The following IL1RAPL1 variants were observed in gnomAD, a reference collection of about 807,000 sequenced individuals.
IL1RAPL1 encodes the protein interleukin 1 receptor accessory protein like 1.
In IL1RAPL1, 3 loss-of-function variants were observed where a neutral mutation model predicts 48.4. That is an observed-to-expected ratio of 0.06 (90% CI 0.03 to 0.16). The LOEUF (loss-of-function observed/expected upper bound fraction) is 0.16, where lower values mean the gene tolerates loss of function less well. Ranked by LOEUF, IL1RAPL1 falls within the 10% of genes least tolerant of loss-of-function variation. The pLI is 1.00. For missense variants in IL1RAPL1, 349 were observed against 530.6 expected (o/e 0.66, Z 3.36); for synonymous variants, 185 against 187.7 (o/e 0.99, Z 0.12).
At chrX:29,951,952 TG>T (rs1473991817) in intron 9 of IL1RAPL1, among the ~76,000 whole-genome samples, 1 of 111,430 alleles carries the variant, frequency 9.0e-6, no homozygotes, top group Non-Finnish European at 1.9e-5. Context: ...TAAGGGAAAG[TG>T]GGCTGAAAGA....
chrX:29,867,286 A>G (rs1931715247), intron 6 of IL1RAPL1, among the ~76,000 whole-genome samples: 1 of 112,301 alleles, frequency 8.9e-6, no homozygotes, highest in East Asian at 2.8e-4. Context: ...TGTTTTAAAT[A>G]CTTCTGTGGT....
intron 6 of IL1RAPL1, among the ~76,000 whole-genome samples, chrX:29,837,519 A>G (rs1289280004): frequency 9.0e-6 from 1 of 110,512 alleles, no homozygotes; most frequent in Non-Finnish European, 1.9e-5. Context: ...CAATAAAATT[A>G]GGAAAGTAAG....
intron 2 of IL1RAPL1, among the ~76,000 whole-genome samples, chrX:29,087,582 T>C (rs777849755): frequency 3.6e-5 from 4 of 112,407 alleles, no homozygotes; most frequent in Non-Finnish European, 7.5e-5. Context: ...TGTTTTTCAA[T>C]AAGTCACTGA....
chrX:29,201,304 G>A (rs1472897943), intron 2 of IL1RAPL1, among the ~76,000 whole-genome samples: 1 of 110,012 alleles, frequency 9.1e-6, no homozygotes, highest in Non-Finnish European at 1.9e-5. Context: ...ATTTTTCATT[G>A]CCTATTTTGA....
chrX:29,717,598 G>T (rs1006588895), intron 6 of IL1RAPL1, among the ~76,000 whole-genome samples: 2 of 112,381 alleles, frequency 1.8e-5, no homozygotes, highest in African/African-American at 6.5e-5. Context: ...AGCAAACTAT[G>T]GCCCTTGAGC....
chrX:29,056,832 T>G (rs1383652708), intron 2 of IL1RAPL1, among the ~76,000 whole-genome samples: 2 of 112,183 alleles, frequency 1.8e-5, no homozygotes, highest in Non-Finnish European at 3.8e-5. Flanking sequence ...AAATTATTTG[T>G]TATTTTAAGC....
At chrX:29,873,004 G>A (rs1209351101) in intron 6 of IL1RAPL1, among the ~76,000 whole-genome samples, 1 of 111,712 alleles carries the variant, frequency 9.0e-6, no homozygotes, top group East Asian at 2.8e-4. Flanking sequence ...AAGCCCTTTG[G>A]TCACAGCCCA....
At chrX:29,378,200 T>TAATTTTTCAGCTCTAGA (rs1933648669) in intron 3 of IL1RAPL1, among the ~76,000 whole-genome samples, 1 of 111,749 alleles carries the variant, frequency 8.9e-6, no homozygotes, top group Non-Finnish European at 1.9e-5. Context: ...ATTCTTCTAG[T>TAATTTTTCAGCTCTAGA]AATTTTTCAG....
chrX:29,671,248 A>G (rs1389198615), intron 6 of IL1RAPL1, among the ~76,000 whole-genome samples: 1 of 111,683 alleles, frequency 9.0e-6, no homozygotes, highest in Non-Finnish European at 1.9e-5. Context: ...AGCCGTGCCT[A>G]CCTTTCCCAT....
At chrX:29,010,857 G>A (rs1449506413) in intron 2 of IL1RAPL1, among the ~76,000 whole-genome samples, 1 of 111,193 alleles carries the variant, frequency 9.0e-6, no homozygotes, top group Non-Finnish European at 1.9e-5. Context: ...GATTGATTCA[G>A]TTTTAGAACC....
At chrX:29,265,056 G>T (rs1325514836) in intron 2 of IL1RAPL1, among the ~76,000 whole-genome samples, 1 of 111,031 alleles carries the variant, frequency 9.0e-6, no homozygotes, top group African/African-American at 3.3e-5. Context: ...GGGATTGCAG[G>T]CATACGCCAC....
intron 3 of IL1RAPL1, among the ~76,000 whole-genome samples, chrX:29,353,613 ATTTCT>A (rs975603554): frequency 1.8e-5 from 2 of 110,983 alleles, no homozygotes; most frequent in Non-Finnish European, 3.8e-5. Flanking sequence ...AAACTTTATG[ATTTCT>A]TTTCATCTGG....
intron 2 of IL1RAPL1, among the ~76,000 whole-genome samples, chrX:29,096,958 A>T (rs1044529981): frequency 2.9e-4 from 32 of 111,033 alleles, no homozygotes; most frequent in Non-Finnish European, 5.3e-4. Context: ...ATAATTTTTT[A>T]AAAATTAAAG....
intron 5 of IL1RAPL1, among the ~76,000 whole-genome samples, chrX:29,511,164 G>C (rs762365728): frequency 7.1e-5 from 8 of 111,999 alleles, no homozygotes; most frequent in African/African-American, 1.6e-4. Context: ...TTACTTAGCT[G>C]TTCCTAGATA....
chrX:28,728,084 A>T (rs1935703707), intron 1 of IL1RAPL1, among the ~76,000 whole-genome samples: 2 of 111,556 alleles, frequency 1.8e-5, no homozygotes, highest in South Asian at 7.5e-4. Context: ...AAAATAAAAT[A>T]AAATAAAAAA....
chrX:29,793,910 G>A (rs1375931882), intron 6 of IL1RAPL1, among the ~76,000 whole-genome samples: 1 of 111,937 alleles, frequency 8.9e-6, no homozygotes, highest in Non-Finnish European at 1.9e-5. Context: ...AGGAGGACCT[G>A]CTGTATCCTG....
rs10554661 is a variant in IL1RAPL1, at chrX:28,873,523, C to CTTTTTTTTTTTT, written c.82+84113_82+84124dup. The stretch of plus-strand genomic sequence containing the variant: ...TTCTCAATTATTGTTTTCTTTCTTT[C>CTTTTTTTTTTTT]TTTTTTTTTTTTTTTTTTTTTTTTT... On this transcript the variant is annotated intron_variant, in intron 2 of 10. Coordinates refer to ENST00000378993, the MANE Select transcript of IL1RAPL1 (RefSeq NM_014271.4). Among the ~76,000 whole-genome samples, 16 of 56,661 alleles carry CTTTTTTTTTTTT rather than the reference C, an allele frequency of 2.8e-4. 1 individual carries two copies. Among genetic ancestry groups the CTTTTTTTTTTTT allele is most frequent in the African/African-American group, 1.3e-3 (16 of 12,403 alleles). 49.2% of individuals were successfully genotyped at this position (56,661 alleles called of 115,157 possible).
chrX:29,540,796 A>C (rs2147782989), intron 5 of IL1RAPL1, among the ~76,000 whole-genome samples: 1 of 112,232 alleles, frequency 8.9e-6, no homozygotes, highest in Non-Finnish European at 1.9e-5. Flanking sequence ...TGGGCAAAAT[A>C]TTTAAATATA....
chrX:29,538,952 A>C (rs1921337985), intron 5 of IL1RAPL1, among the ~76,000 whole-genome samples: 3 of 111,389 alleles, frequency 2.7e-5, no homozygotes, highest in African/African-American at 9.8e-5. Context: ...TGGTGGATTC[A>C]TAGCCAAAAA....
Sources: allele counts gnomAD v4.1 joint callset (sites outside exome capture counted in the v4.1 genomes callset), GRCh38; gene constraint gnomAD v4.1.1; transcripts MANE v1.5; gene names NCBI Gene and HGNC (gene_info 2026-07-23, HGNC 2026-07-21).